The following RALGAPA2 variants were observed in gnomAD, a reference collection of about 807,000 sequenced individuals.
RALGAPA2 encodes the protein ral GTPase-activating protein subunit alpha-2.
Under a neutral mutation model 230.4 loss-of-function variants are expected in RALGAPA2, and 139 were observed. The observed-to-expected ratio is 0.60, with a 90% confidence interval of 0.53 to 0.69. RALGAPA2 has a LOEUF of 0.69. Ranked by LOEUF, RALGAPA2 falls within the 30% of genes least tolerant of loss-of-function variation. RALGAPA2 has a pLI of 0.00. For synonymous variants in RALGAPA2, 847 were observed against 837.8 expected, an observed-to-expected ratio of 1.01 and a Z score of -0.19; for missense variants, 2,163 against 2,276.0, an observed-to-expected ratio of 0.95 and a Z score of 1.01.
At position 20,464,292 on chromosome 20, in the gene RALGAPA2, G is replaced by A. The variant is rs1174692943; in HGVS notation, c.5495+8537C>T. 6.6e-5 allele frequency among the ~76,000 whole-genome samples: 10 copies of A among 152,136 alleles called. 1 individual carries two copies. The highest frequency in any genetic ancestry group is 3.3e-4 in the Admixed American group (5 of 15,266). ...GTATTTGCATGCTCAGCCAAGGCCC[G>A]CCCGCTCCCAGTCTCAGAGCCATGG... On this transcript the variant is annotated intron_variant, in intron 37 of 39. Coordinates refer to ENST00000202677, the MANE Select transcript of RALGAPA2 (RefSeq NM_020343.4).
intron 36 of RALGAPA2, among the ~76,000 whole-genome samples, chr20:20,475,773 T>C (rs6132302): frequency 0.2 from 29,733 of 151,906 alleles, 3,534 homozygotes; most frequent in East Asian, 0.42. Context: ...AGAAGAAGGG[T>C]AGGGGAGAAG....
intron 31 of RALGAPA2, among the ~76,000 whole-genome samples, chr20:20,518,262 A>C (rs1459104858): frequency 6.6e-6 from 1 of 152,156 alleles, no homozygotes; most frequent in African/African-American, 2.4e-5. Context: ...TCACCATGTT[A>C]GCCAGGATGG....
At chr20:20,647,471 A>G (rs73296905) in intron 4 of RALGAPA2, among the ~76,000 whole-genome samples, 1,693 of 152,348 alleles carry the variant, frequency 0.011, 30 homozygotes, top group African/African-American at 0.039. Context: ...AAATTAACAT[A>G]AATTAGCTCA....
Position 20,520,279 on chromosome 20 carries a change from C to A in RALGAPA2, c.4084+638G>T, listed in dbSNP as rs148742074. 7.3e-3 allele frequency among the ~76,000 whole-genome samples: 1,110 copies of A among 152,142 alleles called. 11 individuals carry two copies. The highest frequency in any genetic ancestry group is 0.026 in the African/African-American group (1,064 of 41,490). On this transcript the variant is annotated intron_variant, in intron 31 of 39. Coordinates refer to ENST00000202677, the MANE Select transcript of RALGAPA2 (RefSeq NM_020343.4). ...TGTGTTTGGTTCTATGCAATTTTAT[C>A]ATATGTATAGACAGTATACCCACAT...
At chr20:20,494,318 C>A (rs2062143855) in intron 36 of RALGAPA2, among the ~76,000 whole-genome samples, 1 of 152,176 alleles carries the variant, frequency 6.6e-6, no homozygotes, top group African/African-American at 2.4e-5. Flanking sequence ...TACATACTAT[C>A]AAGCTGAAAA....
chr20:20,669,498 C>T (rs997492839), intron 3 of RALGAPA2, among the ~76,000 whole-genome samples: 7 of 152,084 alleles, frequency 4.6e-5, no homozygotes, highest in Non-Finnish European at 8.8e-5. Context: ...GGACTCTATC[C>T]CCCTCCCCTC....
At chr20:20,556,872 A>T (rs1240136779) in intron 23 of RALGAPA2, among the ~76,000 whole-genome samples, 1 of 152,106 alleles carries the variant, frequency 6.6e-6, no homozygotes, top group East Asian at 1.9e-4. Context: ...AGGATACTAA[A>T]ATATTTTTCT....
intron 16 of RALGAPA2, among the ~76,000 whole-genome samples, chr20:20,599,613 C>T (rs1244218220): frequency 6.6e-6 from 1 of 152,192 alleles, no homozygotes; most frequent in Non-Finnish European, 1.5e-5. Context: ...AATGGAACTA[C>T]AAATGATAGT....
chr20:20,564,354 C>G (rs2064348886), intron 23 of RALGAPA2, among the ~76,000 whole-genome samples: 1 of 152,208 alleles, frequency 6.6e-6, no homozygotes, highest in Non-Finnish European at 1.5e-5. Context: ...ATCCCCTCTC[C>G]TTTGTGAGCT....
chr20:20,698,785 G>A (rs2069226054), intron 1 of RALGAPA2, among the ~76,000 whole-genome samples: 1 of 152,228 alleles, frequency 6.6e-6, no homozygotes, highest in Non-Finnish European at 1.5e-5. Flanking sequence ...CTTCTTGATG[G>A]TAGAATAGGC....
intron 30 of RALGAPA2, among the ~76,000 whole-genome samples, chr20:20,523,582 A>G (rs2145472067): frequency 6.6e-6 from 1 of 152,352 alleles, no homozygotes; most frequent in South Asian, 2.1e-4. Flanking sequence ...CTAGAAGAGA[A>G]TAATTCCAGT....
At chr20:20,682,102 A>G (rs972525286) in intron 1 of RALGAPA2, among the ~76,000 whole-genome samples, 4 of 152,232 alleles carry the variant, frequency 2.6e-5, no homozygotes, top group Admixed American at 6.5e-5. Context: ...TGATAATTGT[A>G]TAAGAGCTTT....
intron 7 of RALGAPA2, among the ~76,000 whole-genome samples, chr20:20,637,999 T>C (rs2066913935): frequency 6.6e-6 from 1 of 152,212 alleles, no homozygotes; most frequent in African/African-American, 2.4e-5. Context: ...GGAAAATGCA[T>C]TCTCCGTATT....
chr20:20,458,587 C>T (rs1478593093), intron 37 of RALGAPA2, among the ~76,000 whole-genome samples: 2 of 115,400 alleles, frequency 1.7e-5, no homozygotes, highest in African/African-American at 3.8e-5. Context: ...TATACCAATA[C>T]AATAAGAAAT....
intron 24 of RALGAPA2, among the ~76,000 whole-genome samples, chr20:20,538,140 G>A (rs554808241): frequency 6.6e-6 from 1 of 152,224 alleles, no homozygotes. Context: ...CCTGCTAGGA[G>A]AGCAACATAC....
At chr20:20,703,089 C>T (rs1339600006) in intron 1 of RALGAPA2, among the ~76,000 whole-genome samples, 2 of 152,062 alleles carry the variant, frequency 1.3e-5, no homozygotes, top group Non-Finnish European at 2.9e-5. Context: ...ATGAGAATCA[C>T]TTCAACCCAG....
At chr20:20,435,075 T>C (rs2060580213) in intron 37 of RALGAPA2, among the ~76,000 whole-genome samples, 1 of 152,260 alleles carries the variant, frequency 6.6e-6, no homozygotes, top group East Asian at 1.9e-4. Context: ...GACTCTGTTC[T>C]TCACCTACGA....
intron 24 of RALGAPA2, among the ~76,000 whole-genome samples, chr20:20,541,057 A>T (rs1349584182): frequency 6.4e-5 from 9 of 140,840 alleles, no homozygotes; most frequent in Non-Finnish European, 9.2e-5. Flanking sequence ...AGTCAGGAGA[A>T]TTTTTTTTTT....
At chr20:20,499,342 C>T (rs1569446984) in intron 35 of RALGAPA2, among the ~76,000 whole-genome samples, 2 of 151,964 alleles carry the variant, frequency 1.3e-5, no homozygotes, top group African/African-American at 2.4e-5. Context: ...AAAAACAGTC[C>T]TACTTTACTT....
Sources: allele counts gnomAD v4.1 joint callset (sites outside exome capture counted in the v4.1 genomes callset), GRCh38; gene constraint gnomAD v4.1.1; transcripts MANE v1.5; gene names NCBI Gene and HGNC (gene_info 2026-07-23, HGNC 2026-07-21).